SORCS2: variants seen among roughly 807,000 people sequenced by gnomAD.
SORCS2 encodes the protein sortilin related VPS10 domain containing receptor 2, also known as VPS10 domain-containing receptor SorCS2.
A neutral mutation model predicts 141.6 loss-of-function variants in SORCS2; 100 were observed. The ratio of observed to expected loss-of-function variants is 0.71; its 90% CI spans 0.60 to 0.83. The LOEUF is 0.83. Ranked by LOEUF, SORCS2 falls within the 40% of genes least tolerant of loss-of-function variation. SORCS2 has a pLI of 0.00. For missense variants in SORCS2, 1,646 were observed against 1,560.2 expected (o/e 1.05, Z -0.93); for synonymous variants, 789 against 676.9 (o/e 1.17, Z -2.57).
At chr4:7,404,515 TA>T (rs1263693713) in intron 2 of SORCS2, among the ~76,000 whole-genome samples, 5 of 152,134 alleles carry the variant, frequency 3.3e-5, no homozygotes, top group African/African-American at 7.2e-5. Flanking sequence ...CAACATCTGT[TA>T]TTTTTTTGTC....
At chr4:7,738,718 C>G (rs2148907069) in intron 26 of SORCS2, among the ~76,000 whole-genome samples, 1 of 152,314 alleles carries the variant, frequency 6.6e-6, no homozygotes, top group Non-Finnish European at 1.5e-5. Flanking sequence ...GCGGAAACCA[C>G]TGTCCCCACT....
chr4:7,380,537 G>A (rs1329773629), intron 1 of SORCS2, among the ~76,000 whole-genome samples: 1 of 152,222 alleles, frequency 6.6e-6, no homozygotes, highest in Non-Finnish European at 1.5e-5. Flanking sequence ...AGGAGGGGCT[G>A]GAGTAGAGCA....
At chr4:7,378,121 T>A (rs1722771255) in intron 1 of SORCS2, among the ~76,000 whole-genome samples, 1 of 152,208 alleles carries the variant, frequency 6.6e-6, no homozygotes. Context: ...ACAGGCATAT[T>A]TATATCAAAT....
At chr4:7,388,243 G>T (rs1280800950) in intron 1 of SORCS2, among the ~76,000 whole-genome samples, 4 of 152,214 alleles carry the variant, frequency 2.6e-5, no homozygotes, top group African/African-American at 9.6e-5. Flanking sequence ...TAGAGCAGCT[G>T]CAGTGACTGG....
At chr4:7,616,783 T>C (rs1407958433) in intron 3 of SORCS2, among the ~76,000 whole-genome samples, 1 of 152,264 alleles carries the variant, frequency 6.6e-6, no homozygotes, top group East Asian at 1.9e-4. Context: ...AAAAACTGAC[T>C]ATAAAACCAT....
chr4:7,740,225 C>T lies in SORCS2; in HGVS notation c.3441C>T (p.Ser1147=), dbSNP rs374253549. ...GCAACCACTCAGGCGTGGTCCTGAG[C>T]ATCAACTCCCGAGAGATGCACAGCT... ...VQGNHSGVVL[S]INSREMHSYL... The change falls in exon 27 of 27, where the codon AGC becomes AGT. Residue 1147 remains serine (S), a synonymous_variant. Coordinates refer to ENST00000507866, the MANE Select transcript of SORCS2 (RefSeq NM_020777.3). 1.9e-6 allele frequency: 3 copies of T among 1,609,538 alleles called. No individual in the cohort carries two copies. Among genetic ancestry groups the T allele is most frequent in the Non-Finnish European group, 1.7e-6 (2 of 1,179,452 alleles).
intron 2 of SORCS2, among the ~76,000 whole-genome samples, chr4:7,455,395 C>CTG (rs200453939): frequency 9.7e-6 from 1 of 102,902 alleles, no homozygotes; most frequent in Non-Finnish European, 1.9e-5. Context: ...GGGTCAGGTG[C>CTG]TGTGTTGGGG....
chr4:7,409,616 C>G (rs1725179317), intron 2 of SORCS2, among the ~76,000 whole-genome samples: 1 of 152,186 alleles, frequency 6.6e-6, no homozygotes, highest in Non-Finnish European at 1.5e-5. Context: ...AGCTGGTTGT[C>G]CACCTCAATC....
intron 3 of SORCS2, among the ~76,000 whole-genome samples, chr4:7,567,659 G>A (rs1422953298): frequency 6.6e-6 from 1 of 152,086 alleles, no homozygotes; most frequent in African/African-American, 2.4e-5. Flanking sequence ...TTTCTCTTTG[G>A]CGCCCTTTGC....
intron 14 of SORCS2, among the ~76,000 whole-genome samples, chr4:7,711,459 T>A (rs2109033261): frequency 6.6e-6 from 1 of 152,170 alleles, no homozygotes; most frequent in Middle Eastern, 3.4e-3. Context: ...GTGCATCACC[T>A]CCCCGACCCA....
Position 7,725,250 on chromosome 4 carries a change from T to C in SORCS2, c.2708T>C (p.Leu903Pro). ...TAVLLPLNPN[L>P]TVFYWWIGHS... ...GTGCTGCTTCCCTTGAACCCTAACC[T>C]CACCGTCTTCTACTGGTGGATCGGC... The change falls in exon 20 of 27, where the codon CTC becomes CCC. Residue 903 changes from leucine to proline, a missense_variant. Physicochemically the swap from Leu to Pro is moderately conservative, Grantham distance 98. Transcript: ENST00000507866. 1.2e-6 allele frequency: 2 copies of C among 1,613,514 alleles called. No individual in the cohort carries two copies. The highest frequency in any genetic ancestry group is 1.7e-6 in the Non-Finnish European group (2 of 1,179,622).
intron 3 of SORCS2, among the ~76,000 whole-genome samples, chr4:7,547,140 C>G (rs1713323400): frequency 6.6e-6 from 1 of 152,158 alleles, no homozygotes; most frequent in Non-Finnish European, 1.5e-5. Context: ...TGAACAGTGC[C>G]ACATCTACAT....
At chr4:7,736,738 C>T (rs919732060) in intron 25 of SORCS2, among the ~76,000 whole-genome samples, 15 of 151,998 alleles carry the variant, frequency 9.9e-5, no homozygotes, top group Admixed American at 1.3e-4. Context: ...CATGGGGGGT[C>T]GGGGGAAAGA....
intron 1 of SORCS2, among the ~76,000 whole-genome samples, chr4:7,394,064 G>C (rs4689113): frequency 0.96 from 146,657 of 152,084 alleles, 70,762 homozygotes; most frequent in East Asian, 1. Flanking sequence ...CAAAGCCAAC[G>C]CCGCAGGAAC....
At chr4:7,390,422 C>T (rs898053117) in intron 1 of SORCS2, among the ~76,000 whole-genome samples, 5 of 152,182 alleles carry the variant, frequency 3.3e-5, no homozygotes, top group Non-Finnish European at 5.9e-5. Context: ...TTAAGAGGGG[C>T]ACATTTGAAG....
At position 7,302,974 on chromosome 4, in the gene SORCS2, C is replaced by T. The variant is rs151154107; in HGVS notation, c.481-93314C>T. On this transcript the variant is annotated intron_variant, in intron 1 of 26. Coordinates refer to ENST00000507866, the MANE Select transcript of SORCS2 (RefSeq NM_020777.3). ...TAGCTGCGTGGGGGCCGCAGCCAAG[C>T]GGCGATTTCACCTCCAAGCCTCCGT... Among the ~76,000 whole-genome samples the T allele has an allele frequency of 5.7e-3, 874 of 152,272 alleles. 5 individuals are homozygous for T. Among genetic ancestry groups the T allele is most frequent in the African/African-American group, 0.015 (635 of 41,550 alleles).
At chr4:7,638,748 G>T (rs1577878550) in intron 4 of SORCS2, among the ~76,000 whole-genome samples, 1 of 152,198 alleles carries the variant, frequency 6.6e-6, no homozygotes, top group African/African-American at 2.4e-5. Context: ...AGGCTCAGAG[G>T]CTCAAGAGAG....
At chr4:7,518,745 A>G (rs1294580339) in intron 2 of SORCS2, among the ~76,000 whole-genome samples, 2 of 152,058 alleles carry the variant, frequency 1.3e-5, no homozygotes. Context: ...CTCTCAGCCC[A>G]TGTGTACTCT....
chr4:7,309,945 G>A (rs1718079900), intron 1 of SORCS2, among the ~76,000 whole-genome samples: 1 of 152,254 alleles, frequency 6.6e-6, no homozygotes, highest in Non-Finnish European at 1.5e-5. Context: ...AGTAGGCAGG[G>A]CTCAGAATGG....
Sources: allele counts gnomAD v4.1 joint callset (sites outside exome capture counted in the v4.1 genomes callset), GRCh38; gene constraint gnomAD v4.1.1; transcripts MANE v1.5; gene names NCBI Gene and HGNC (gene_info 2026-07-23, HGNC 2026-07-21).